BTNL9: variants seen among roughly 807,000 people sequenced by gnomAD.
The protein encoded by BTNL9 is butyrophilin-like protein 9.
BTNL9 carries 45 observed loss-of-function variants against 45.8 expected under a neutral mutation model. The observed-to-expected ratio is 0.98, with a 90% CI of 0.77 to 1.26. BTNL9 has a LOEUF of 1.26. Ranked by LOEUF, BTNL9 falls within the 50% of genes most tolerant of loss-of-function variation. The pLI is 0.00. For synonymous variants in BTNL9, 346 were observed against 330.8 expected, an observed-to-expected ratio of 1.05 and a Z score of -0.50; for missense variants, 784 against 729.7, an observed-to-expected ratio of 1.07 and a Z score of -0.86.
At chr5:181,041,688 C>G (rs961680897) in intron 1 of BTNL9, among the ~76,000 whole-genome samples, 1 of 152,160 alleles carries the variant, frequency 6.6e-6, no homozygotes, top group Non-Finnish European at 1.5e-5. Flanking sequence ...ATTTGTGAAT[C>G]AAAAACTTTT....
At chr5:181,049,420 G>A (rs1472149278) in intron 3 of BTNL9, among the ~76,000 whole-genome samples, 1 of 152,172 alleles carries the variant, frequency 6.6e-6, no homozygotes, top group African/African-American at 2.4e-5. Context: ...GATGCAGAGT[G>A]ATTTCTAGTA....
Position 181,042,930 on chromosome 5 carries a change from G to A in BTNL9, c.-24+2498G>A, listed in dbSNP as rs77754066. ...GACGGAAGGGTGTACCCAGACACACGACGTAGCTGGTGAGGAATCTGAATT... is the reference window on the plus strand; with the variant it reads ...GACGGAAGGGTGTACCCAGACACACAACGTAGCTGGTGAGGAATCTGAATT... On this transcript the variant is annotated intron_variant, in intron 1 of 10. Coordinates refer to ENST00000327705, the MANE Select transcript of BTNL9 (RefSeq NM_152547.5). The surrounding 1 kb of genome is among the most constrained non-coding windows in gnomAD (Gnocchi z 4.5). 0.12 allele frequency among the ~76,000 whole-genome samples: 17,573 copies of A among 152,026 alleles called. 1,079 individuals carry two copies. Among genetic ancestry groups the A allele is most frequent in the Middle Eastern group, 0.16 (48 of 294 alleles).
intron 9 of BTNL9, among the ~76,000 whole-genome samples, chr5:181,057,922 A>G (rs1009752320): frequency 3.3e-5 from 5 of 152,224 alleles, no homozygotes; most frequent in Admixed American, 2.0e-4. Flanking sequence ...ATTGATTCAC[A>G]TTAAGAATGG....
At chr5:181,046,431 G>T (rs908084258) in intron 2 of BTNL9, among the ~76,000 whole-genome samples, 2 of 152,172 alleles carry the variant, frequency 1.3e-5, no homozygotes, top group Non-Finnish European at 2.9e-5. Flanking sequence ...GCCTGTGTTT[G>T]TGCTGAACCC....
chr5:181,056,748 T>A, intron 9 of BTNL9: 1 of 613,634 alleles, frequency 1.6e-6, no homozygotes, highest in South Asian at 2.0e-5. Context: ...AGTGTCGTTA[T>A]CCTGCCACCA....
rs542914985 is a variant in BTNL9 at position 181,060,817 on chromosome 5, A to T, written c.*955A>T. 2 of 152,342 alleles carry T rather than the reference A, an allele frequency of 1.3e-5. No individual in the cohort carries two copies. Among genetic ancestry groups the T allele is most frequent in the South Asian group, 4.1e-4 (2 of 4,820 alleles). The allele number at this position is 152,342 out of a possible 1,614,324, so 9.4% of individuals were successfully genotyped here. A position where few individuals can be genotyped will look rare whatever the true frequency, so the allele number is the denominator to read the frequency against. ...TGGGACCAAGGACATTATTAGTTTG[A>T]CAACTGGGGAAAGAAGTGTTCTTCA... On this transcript the variant is annotated 3_prime_UTR_variant, in exon 11 of 11. Coordinates refer to ENST00000327705, the MANE Select transcript of BTNL9 (RefSeq NM_152547.5).
Position 181,059,896 on chromosome 5 carries a change from G to GT in BTNL9, c.*34_*35insT. 1.3e-6 allele frequency: 2 copies of GT among 1,492,170 alleles called. No individual in the cohort carries two copies. Among genetic ancestry groups the GT allele is most frequent in the Non-Finnish European group, 1.8e-6 (2 of 1,122,010 alleles). The allele number at this position is 1,492,170 out of a possible 1,614,324, so 92.4% of individuals were successfully genotyped here. On this transcript the variant is annotated 3_prime_UTR_variant, in exon 11 of 11. Transcript: ENST00000327705. ...CGTGGCCGCGGGACTGGCCCCGGGGGGCCCCCTGGATCCCAGGCCAGCGCT... is the reference window on the plus strand; with the variant it reads ...CGTGGCCGCGGGACTGGCCCCGGGGGTGCCCCCTGGATCCCAGGCCAGCGCT...
chr5:181,059,458 C>T lies in BTNL9; in HGVS notation c.1204C>T (p.Leu402=), dbSNP rs1407914468. The T allele has an allele frequency of 2.1e-5, 31 of 1,451,128 alleles. 1 individual carries two copies. The East Asian group carries it at 8.0e-4, about 37-fold the overall frequency. 89.9% of individuals were successfully genotyped at this position (1,451,128 alleles called of 1,614,324 possible). ...CAGCCGCTGGTTCCTGGGCGCCTGC[C>T]TGGCCGCGGTGCCGCGCGCGGGGCC... The part of the protein sequence containing the change: ...RRSRWFLGAC[L]AAVPRAGPAR... Residue 402 remains leucine (L), a synonymous_variant, in exon 11 of 11, where the codon CTG becomes TTG. Coordinates refer to ENST00000327705, the MANE Select transcript of BTNL9 (RefSeq NM_152547.5).
Position 181,059,492 on chromosome 5 carries a change from T to A in BTNL9, c.1238T>A (p.Leu413Gln). The A allele has an allele frequency of 6.4e-7, 1 of 1,553,184 alleles. No homozygotes were observed. The highest frequency in any genetic ancestry group is 8.7e-7 in the Non-Finnish European group (1 of 1,152,950). Reference sequence around the variant, plus strand: ...GTGCCGCGCGCGGGGCCTGCGCGCCTGAGCCCTGCGGCCGGCTACTGGGTG... The same window carrying A: ...GTGCCGCGCGCGGGGCCTGCGCGCCAGAGCCCTGCGGCCGGCTACTGGGTG... ...AAVPRAGPARLSPAAGYWVLG... is the reference protein window; with the variant it reads ...AAVPRAGPARQSPAAGYWVLG... The change falls in exon 11 of 11, where the codon CTG becomes CAG. Residue 413 changes from leucine to glutamine, a missense_variant. Transcript: ENST00000327705.
At chr5:181,044,962 G>C (rs1761012146) in intron 1 of BTNL9, among the ~76,000 whole-genome samples, 1 of 152,232 alleles carries the variant, frequency 6.6e-6, no homozygotes, top group South Asian at 2.1e-4. Context: ...CTCCACTTCT[G>C]AGAGAGCAGA....
intron 9 of BTNL9, among the ~76,000 whole-genome samples, chr5:181,057,411 T>C (rs897731108): frequency 6.6e-6 from 1 of 152,260 alleles, no homozygotes; most frequent in African/African-American, 2.4e-5. Context: ...CAACGCCATT[T>C]ACTCCACCAT....
At chr5:181,040,851 G>T (rs1312533996) in intron 1 of BTNL9, among the ~76,000 whole-genome samples, 1 of 152,224 alleles carries the variant, frequency 6.6e-6, no homozygotes, top group Non-Finnish European at 1.5e-5. Context: ...GTGGGAGAGG[G>T]CCAAGGCCCC....
At position 181,054,248 on chromosome 5, in the gene BTNL9, C is replaced by T. The variant is rs1187619424; in HGVS notation, c.896C>T (p.Thr299Ile). The T allele has an allele frequency of 6.2e-7, 1 of 1,603,752 alleles. No homozygotes were observed. The highest frequency in any genetic ancestry group is 1.7e-5 in the Admixed American group (1 of 59,692). The change falls in exon 7 of 11, where the codon ACT becomes ATT. Residue 299 changes from threonine (T) to isoleucine (I), a missense_variant. By Grantham distance (89) the Thr-to-Ile change is moderately conservative (BLOSUM62 -1). Transcript: ENST00000327705. ...KQAEKRQEKL[T>I]AELEKLQTEL... ...TTTTTTTTTTCTCTAGAGAAACTCA[C>T]TGCAGAGCTGGGTAAGTTCTGGGTG...
At chr5:181,040,988 A>T (rs1334043315) in intron 1 of BTNL9, among the ~76,000 whole-genome samples, 2 of 152,252 alleles carry the variant, frequency 1.3e-5, no homozygotes, top group Non-Finnish European at 2.9e-5. Context: ...GTACTTTGTT[A>T]CTAGAGAAGT....
rs1438219425 is a variant in BTNL9 at position 181,055,113 on chromosome 5, C to A, written c.908-320C>A. On this transcript the variant is annotated intron_variant, in intron 7 of 10. Transcript: ENST00000327705. This position sits in a 1 kb window ranked among gnomAD's most constrained non-coding sequence, Gnocchi z 4.4. Reference sequence around the variant, plus strand: ...TGCCTGCACTTAGGCGGGAGCTCCGCCCCAGGAAGCTTGTGATTTCAGGCA... The same window carrying A: ...TGCCTGCACTTAGGCGGGAGCTCCGACCCAGGAAGCTTGTGATTTCAGGCA... 1 of 1,152,610 alleles carries A rather than the reference C, an allele frequency of 8.7e-7. No individual in the cohort carries two copies. The highest frequency in any genetic ancestry group is 4.3e-5 in the Admixed American group (1 of 23,456). The allele number at this position is 1,152,610 out of a possible 1,614,324, so 71.4% of individuals were successfully genotyped here. A position where few individuals can be genotyped will look rare whatever the true frequency, so the allele number is the denominator to read the frequency against.
Position 181,059,642 on chromosome 5 carries a change from TCAA to T in BTNL9, c.1390_1392del (p.Asn464del), listed in dbSNP as rs1409806723. The T allele has an allele frequency of 6.2e-7, 1 of 1,613,658 alleles. No individual in the cohort carries two copies. The highest frequency in any genetic ancestry group is 2.2e-5 in the East Asian group (1 of 44,872). ...TACGAGGCCGGAGAGCTGTCCTTCT[TCAA>T]CGTGTCCGACGGCTCCCACATCTTC... On this transcript the variant is annotated inframe_deletion, in exon 11 of 11. Transcript: ENST00000327705.
At chr5:181,054,313 G>A (rs965039587) in intron 7 of BTNL9, 54 bp downstream of exon 7, 4 of 1,602,032 alleles carry the variant, frequency 2.5e-6, no homozygotes, top group Non-Finnish European at 3.4e-6. Context: ...CCCTGTGCCT[G>A]TGCAGTGGGA....
At position 181,055,370 on chromosome 5, in the gene BTNL9, G is replaced by T. The variant is rs915840793; in HGVS notation, c.908-63G>T. 101 of 1,613,904 alleles carry T rather than the reference G, an allele frequency of 6.3e-5. No individual in the cohort carries two copies. The highest frequency in any genetic ancestry group is 8.3e-5 in the Non-Finnish European group (98 of 1,179,984). On this transcript the variant is annotated intron_variant, in intron 7 of 10. Transcript: ENST00000327705. The surrounding 1 kb of genome is among the most constrained non-coding windows in gnomAD (Gnocchi z 4.4). ...CTAAGGAAGCTCTTCCCAGTGGCCT[G>T]TCTTGGGAAGATGGTTCCACCCACC...
chr5:181,050,377 G>T lies in BTNL9; in HGVS notation c.736+8G>T. 3.1e-6 allele frequency: 5 copies of T among 1,613,280 alleles called. No homozygotes were observed. The highest frequency in any genetic ancestry group is 4.2e-6 in the Non-Finnish European group (5 of 1,179,620). ...TGGTGGTCCAGATAGCAGGTCAGTG[G>T]CTGTTAGCTCACACCCATCTTCCTA... On this transcript the variant is annotated splice_region_variant and intron_variant, in intron 4 of 10. Transcript: ENST00000327705. The surrounding 1 kb of genome is among the most constrained non-coding windows in gnomAD (Gnocchi z 4.9).
Sources: gnomAD v4.1 joint callset for allele counts (sites outside exome capture counted in the v4.1 genomes callset) on GRCh38, gnomAD v4.1.1 for gene constraint, Gnocchi (gnomAD v3.1) non-coding constraint, MANE v1.5 for transcripts, NCBI Gene and HGNC (gene_info 2026-07-23, HGNC 2026-07-21) for gene names.